The following CCDC149 variants were observed in gnomAD, a reference collection of about 807,000 sequenced individuals.
CCDC149 encodes coiled-coil domain-containing protein 149.
A neutral mutation model predicts 59.9 loss-of-function variants in CCDC149; 45 were observed. The observed-to-expected ratio is 0.75, with a 90% CI of 0.59 to 0.96. The LOEUF (loss-of-function observed/expected upper bound fraction) is 0.96, where lower values mean the gene tolerates loss of function less well. Among genes scored for constraint, CCDC149 ranks in the 40% least tolerant of loss-of-function variants. The pLI, the probability that CCDC149 is intolerant of heterozygous loss-of-function variation, is 0.00. For missense variants in CCDC149, 584 were observed against 664.7 expected (o/e 0.88, Z 1.33); for synonymous variants, 245 against 260.6 (o/e 0.94, Z 0.58).
At chr4:24,979,862 G>A (rs1046493875) in intron 1 of CCDC149, among the ~76,000 whole-genome samples, 1 of 152,096 alleles carries the variant, frequency 6.6e-6, no homozygotes, top group Non-Finnish European at 1.5e-5. Flanking sequence ...TCAATGCGTC[G>A]ATGTTAATTC....
intron 1 of CCDC149, among the ~76,000 whole-genome samples, chr4:24,924,241 T>C (rs1459089112): frequency 6.7e-6 from 1 of 148,616 alleles, no homozygotes; most frequent in Non-Finnish European, 1.5e-5. Flanking sequence ...CAAGTCTTTA[T>C]AGCTGAAAAA....
At chr4:24,875,738 T>C (rs533587658) in intron 2 of CCDC149, among the ~76,000 whole-genome samples, 4 of 152,256 alleles carry the variant, frequency 2.6e-5, no homozygotes, top group African/African-American at 9.6e-5. Flanking sequence ...GACTGAGCAA[T>C]AGAGTCTCCT....
chr4:24,912,775 C>T (rs1248222242), intron 1 of CCDC149, 42 bp downstream of exon 1: 14 of 1,208,492 alleles, frequency 1.2e-5, no homozygotes, highest in Non-Finnish European at 1.4e-5. Context: ...CTGGCGGCCG[C>T]TCGGCCCGGC....
intron 3 of CCDC149, among the ~76,000 whole-genome samples, chr4:24,857,034 C>T (rs545494197): frequency 1.7e-4 from 26 of 152,154 alleles, no homozygotes; most frequent in East Asian, 1.2e-3. Context: ...CTTCATTTAG[C>T]GGAAGAGAGG....
chr4:24,868,872 C>T (rs758558757), intron 3 of CCDC149, among the ~76,000 whole-genome samples: 3 of 152,150 alleles, frequency 2.0e-5, no homozygotes, highest in African/African-American at 7.2e-5. Flanking sequence ...ATCACCAGTT[C>T]GTTATGTTAC....
chr4:24,930,642 A>C (rs1353776301), intron 1 of CCDC149, among the ~76,000 whole-genome samples: 1 of 151,772 alleles, frequency 6.6e-6, no homozygotes, highest in African/African-American at 2.4e-5. Flanking sequence ...TCACTCAGCC[A>C]CTCCCCAACT....
intron 1 of CCDC149, among the ~76,000 whole-genome samples, chr4:24,935,402 G>T (rs1204325413): frequency 6.6e-6 from 1 of 152,260 alleles, no homozygotes; most frequent in Middle Eastern, 3.4e-3. Flanking sequence ...TCAAAATAGA[G>T]ATTTTAGTTC....
chr4:24,845,153 A>G (rs1457097903), intron 4 of CCDC149, among the ~76,000 whole-genome samples: 1 of 152,180 alleles, frequency 6.6e-6, no homozygotes, highest in Non-Finnish European at 1.5e-5. Context: ...AGTGCTTTAT[A>G]GAACTTTCTT....
chr4:24,940,424 C>T (rs1249946238), intron 1 of CCDC149, among the ~76,000 whole-genome samples: 1 of 152,112 alleles, frequency 6.6e-6, no homozygotes, highest in Non-Finnish European at 1.5e-5. Context: ...ACAACTGGTA[C>T]CAGCCACTGC....
intron 1 of CCDC149, among the ~76,000 whole-genome samples, chr4:24,976,742 G>T (rs1429019564): frequency 6.6e-6 from 1 of 152,042 alleles, no homozygotes; most frequent in East Asian, 1.9e-4. Flanking sequence ...AACAAAAAGT[G>T]TGCCATCATC....
intron 12 of CCDC149, among the ~76,000 whole-genome samples, chr4:24,818,842 TCAAA>T (rs973167351): frequency 6.6e-6 from 1 of 152,194 alleles, no homozygotes; most frequent in African/African-American, 2.4e-5. Flanking sequence ...ATTCTACTAA[TCAAA>T]CAGACTGATC....
chr4:24,825,500 A>T (rs868818577), intron 9 of CCDC149, among the ~76,000 whole-genome samples: 3 of 152,162 alleles, frequency 2.0e-5, no homozygotes, highest in African/African-American at 7.2e-5. Context: ...CAGGCCGGGC[A>T]TGGGGGTTCA....
chr4:24,895,181 T>C, intron 1 of CCDC149: 1 of 691,840 alleles, frequency 1.4e-6, no homozygotes, highest in Non-Finnish European at 2.6e-6. Context: ...AATGGTTACC[T>C]CTGGGTGAGG....
chr4:24,832,335 A>T (rs1438617963), intron 8 of CCDC149, among the ~76,000 whole-genome samples: 1 of 152,256 alleles, frequency 6.6e-6, no homozygotes, highest in Non-Finnish European at 1.5e-5. Flanking sequence ...AAGGTGGCAC[A>T]AAGATAGGGC....
intron 1 of CCDC149, among the ~76,000 whole-genome samples, chr4:24,900,388 G>A (rs1198355361): frequency 6.6e-6 from 1 of 152,170 alleles, no homozygotes. Context: ...CATGAATAGA[G>A]CTATACGTGG....
chr4:24,836,746 G>C (rs1447548755), intron 6 of CCDC149, among the ~76,000 whole-genome samples: 1 of 152,120 alleles, frequency 6.6e-6, no homozygotes, highest in East Asian at 1.9e-4. Flanking sequence ...AGCCCTCGCA[G>C]AGATTCCCTA....
intron 4 of CCDC149, among the ~76,000 whole-genome samples, chr4:24,845,043 G>A (rs767848964): frequency 7.9e-5 from 12 of 152,188 alleles, no homozygotes; most frequent in East Asian, 1.9e-4. Context: ...AATTGAGCCC[G>A]GCAGTTCAGG....
intron 12 of CCDC149, among the ~76,000 whole-genome samples, chr4:24,809,943 T>C (rs1202327639): frequency 6.6e-6 from 1 of 152,246 alleles, no homozygotes; most frequent in African/African-American, 2.4e-5. Context: ...GCTTAAAACC[T>C]TCTGCTGGAG....
Position 24,837,203 on chromosome 4 carries a change from C to G in CCDC149, c.662+25G>C, listed in dbSNP as rs753515249. ...GTGCAGAGCCAGCCTTCCTCCCACG[C>G]ACAGGCCTGGGCCTGGCCACTTGCC... On this transcript the variant is annotated intron_variant, in intron 6 of 12. Transcript: ENST00000635206. This position sits in a 1 kb window ranked among gnomAD's most constrained non-coding sequence, Gnocchi z 4.3. 6.2e-7 allele frequency: 1 copy of G among 1,610,400 alleles called. No individual in the cohort carries two copies. The highest frequency in any genetic ancestry group is 1.1e-5 in the South Asian group (1 of 90,606).
Sources: allele counts gnomAD v4.1 joint callset (sites outside exome capture counted in the v4.1 genomes callset), GRCh38; gene constraint gnomAD v4.1.1; non-coding constraint Gnocchi (gnomAD v3.1); transcripts MANE v1.5; gene names NCBI Gene and HGNC (gene_info 2026-07-23, HGNC 2026-07-21).